Variants in SIPA1L1 observed in about 807,000 individuals in gnomAD.
SIPA1L1 encodes signal induced proliferation associated 1 like 1.
SIPA1L1 carries 26 observed loss-of-function variants against 162.7 expected under a neutral mutation model. The observed-to-expected ratio is 0.16, with a 90% CI of 0.12 to 0.22. SIPA1L1 has a LOEUF of 0.22. Among genes scored for constraint, SIPA1L1 ranks in the 10% least tolerant of loss-of-function variants. The pLI, the probability that SIPA1L1 is intolerant of heterozygous loss-of-function variation, is 1.00. For missense variants in SIPA1L1, 1,874 were observed against 2,241.0 expected, an observed-to-expected ratio of 0.84 and a Z score of 3.31; for synonymous variants, 829 against 837.4, an observed-to-expected ratio of 0.99 and a Z score of 0.17.
chr14:71,628,673 A>G (rs1356409984), intron 7 of SIPA1L1, among the ~76,000 whole-genome samples: 2 of 152,214 alleles, frequency 1.3e-5, no homozygotes, highest in African/African-American at 4.8e-5. Flanking sequence ...CAGGGTTAAT[A>G]TAATAAATCT....
intron 5 of SIPA1L1, among the ~76,000 whole-genome samples, chr14:71,601,874 T>C (rs2036801653): frequency 6.6e-6 from 1 of 152,110 alleles, no homozygotes; most frequent in Admixed American, 6.5e-5. Context: ...TTAGTGCCTC[T>C]GATCTTTTGT....
At chr14:71,558,197 T>C (rs1024639158) in intron 4 of SIPA1L1, among the ~76,000 whole-genome samples, 1 of 152,202 alleles carries the variant, frequency 6.6e-6, no homozygotes, top group African/African-American at 2.4e-5. Context: ...CAAATATTTA[T>C]GGAATAATGG....
At position 71,627,131 on chromosome 14, in the gene SIPA1L1, C is replaced by CTTT. The variant is rs71105788; in HGVS notation, c.1818+2936_1818+2938dup. 2.1e-3 allele frequency among the ~76,000 whole-genome samples: 103 copies of CTTT among 48,766 alleles called. 13 individuals carry two copies. Among genetic ancestry groups the CTTT allele is most frequent in the Non-Finnish European group, 3.0e-3 (84 of 27,968 alleles). 32.0% of individuals were successfully genotyped at this position (48,766 alleles called of 152,430 possible). A position where few individuals can be genotyped will look rare whatever the true frequency, so the allele number is the denominator to read the frequency against. On this transcript the variant is annotated intron_variant, in intron 7 of 23. Coordinates refer to ENST00000381232, the MANE Select transcript of SIPA1L1 (RefSeq NM_001386936.1). ...TGATGCCTTTCTGGGACTTTCACTACTTTTTTTTTTTTTTTTTTTTTTTTT... is the reference window on the plus strand; with the variant it reads ...TGATGCCTTTCTGGGACTTTCACTACTTTTTTTTTTTTTTTTTTTTTTTTTTTT...
intron 5 of SIPA1L1, among the ~76,000 whole-genome samples, chr14:71,590,044 AAT>A (rs58833289): frequency 0.032 from 1,931 of 59,472 alleles, 39 homozygotes; most frequent in Middle Eastern, 0.06. Context: ...AAAAAAAAAA[AAT>A]ATATATATAT....
intron 4 of SIPA1L1, among the ~76,000 whole-genome samples, chr14:71,552,266 A>G (rs1045734221): frequency 6.6e-6 from 1 of 152,220 alleles, no homozygotes; most frequent in Non-Finnish European, 1.5e-5. Context: ...TAATTGTACC[A>G]TAGCTATTAT....
chr14:71,438,096 C>T (rs2044540441), intron 2 of SIPA1L1, among the ~76,000 whole-genome samples: 1 of 152,152 alleles, frequency 6.6e-6, no homozygotes, highest in African/African-American at 2.4e-5. Flanking sequence ...GTTCATAGCC[C>T]ATGCTGTGCA....
chr14:71,712,203 C>T (rs1208577953), intron 17 of SIPA1L1, among the ~76,000 whole-genome samples: 1 of 152,162 alleles, frequency 6.6e-6, no homozygotes, highest in Non-Finnish European at 1.5e-5. Context: ...AGTTTCACTG[C>T]ATCTTTCTGG....
rs552966890 is a variant in SIPA1L1 at position 71,621,281 on chromosome 14, TCCTCATCTC to T, written c.1629+2399_1629+2407del. Among the ~76,000 whole-genome samples the T allele has an allele frequency of 2.0e-4, 31 of 152,302 alleles. No homozygotes were observed. In the East Asian group the frequency reaches 3.5e-3, roughly 17 times the overall value. On this transcript the variant is annotated intron_variant, in intron 6 of 23. Coordinates refer to ENST00000381232, the MANE Select transcript of SIPA1L1 (RefSeq NM_001386936.1). ...GCTCAGTTCGAAATCCTTGAAAGCT[TCCTCATCTC>T]CCTCTGAGAAACAGCCACTGTCTTT...
intron 5 of SIPA1L1, among the ~76,000 whole-genome samples, chr14:71,617,641 A>G (rs1217120554): frequency 1.3e-5 from 2 of 151,904 alleles, no homozygotes; most frequent in African/African-American, 2.4e-5. Flanking sequence ...TATTTATGCT[A>G]TTTTTTCTTA....
At chr14:71,618,066 T>C (rs2039026485) in intron 5 of SIPA1L1, among the ~76,000 whole-genome samples, 3 of 152,232 alleles carry the variant, frequency 2.0e-5, no homozygotes, top group Admixed American at 2.0e-4. Flanking sequence ...AGGCTTGTGC[T>C]AAGGTTTGGG....
intron 2 of SIPA1L1, among the ~76,000 whole-genome samples, chr14:71,468,005 G>GGGGTGT (rs372232012): frequency 7.1e-6 from 1 of 141,606 alleles, no homozygotes; most frequent in Non-Finnish European, 1.5e-5. Flanking sequence ...CAGTTAGAGG[G>GGGGTGT]GTGTGTGTGT....
rs553417589 is a variant in SIPA1L1 at position 71,531,352 on chromosome 14, G to C, written c.-303+1982G>C. Among the ~76,000 whole-genome samples, 40 of 148,672 alleles carry C rather than the reference G, an allele frequency of 2.7e-4. 2 individuals carry two copies. In the South Asian group the frequency reaches 8.5e-3, roughly 32 times the overall value. On this transcript the variant is annotated intron_variant, in intron 4 of 23. Transcript: ENST00000381232. ...GTTTGTCACTATGTTACTTTGTACT[G>C]GTAGCAGTAGTACAGAAGAGGGGTC...
chr14:71,691,550 G>A (rs1172309096), intron 13 of SIPA1L1, among the ~76,000 whole-genome samples: 6 of 152,296 alleles, frequency 3.9e-5, no homozygotes, highest in South Asian at 2.1e-4. Context: ...CCGTGATCAC[G>A]CCACTGCACT....
chr14:71,439,231 C>G (rs946337600), intron 2 of SIPA1L1, among the ~76,000 whole-genome samples: 1 of 152,108 alleles, frequency 6.6e-6, no homozygotes, highest in Admixed American at 6.6e-5. Flanking sequence ...TCTTTTTATA[C>G]TGTTAAGAAA....
chr14:71,530,381 A>G (rs1217497434), intron 4 of SIPA1L1, among the ~76,000 whole-genome samples: 1 of 151,314 alleles, frequency 6.6e-6, no homozygotes, highest in Non-Finnish European at 1.5e-5. Flanking sequence ...TGATCGACCA[A>G]CTTGTGCTGT....
intron 2 of SIPA1L1, among the ~76,000 whole-genome samples, chr14:71,499,069 T>C (rs867279343): frequency 3.3e-5 from 5 of 152,388 alleles, no homozygotes; most frequent in Middle Eastern, 3.4e-3. Flanking sequence ...CAAGTTGTTA[T>C]TGCATAAAAG....
intron 2 of SIPA1L1, among the ~76,000 whole-genome samples, chr14:71,343,133 C>T (rs1409967367): frequency 6.6e-6 from 1 of 152,170 alleles, no homozygotes; most frequent in Non-Finnish European, 1.5e-5. Flanking sequence ...CTTCACGTTA[C>T]AGACTTTTCA....
At chr14:71,477,871 C>A (rs2048009107) in intron 2 of SIPA1L1, among the ~76,000 whole-genome samples, 1 of 151,632 alleles carries the variant, frequency 6.6e-6, no homozygotes, top group Non-Finnish European at 1.5e-5. Flanking sequence ...GGGTAAATTC[C>A]CAGGACTGGG....
intron 4 of SIPA1L1, among the ~76,000 whole-genome samples, chr14:71,559,719 CT>C (rs1434798945): frequency 1.3e-5 from 2 of 152,116 alleles, no homozygotes; most frequent in Non-Finnish European, 2.9e-5. Flanking sequence ...AGAATAAAAA[CT>C]TTTCTGCATT....
Sources: gnomAD v4.1 joint callset for allele counts (sites outside exome capture counted in the v4.1 genomes callset) on GRCh38, gnomAD v4.1.1 for gene constraint, MANE v1.5 for transcripts, NCBI Gene and HGNC (gene_info 2026-07-23, HGNC 2026-07-21) for gene names.